Variants in PTPRD observed in about 807,000 individuals in gnomAD.
PTPRD encodes protein tyrosine phosphatase receptor type D, also known as receptor-type tyrosine-protein phosphatase delta.
PTPRD carries 34 observed loss-of-function variants against 214.5 expected under a neutral mutation model. That is an observed-to-expected ratio of 0.16 (90% CI 0.12 to 0.21). PTPRD has a LOEUF of 0.21. Ranked by LOEUF, PTPRD falls within the 10% of genes least tolerant of loss-of-function variation. The pLI is 1.00. For missense variants in PTPRD, 2,545 were observed against 2,398.7 expected (o/e 1.06, Z -1.27); for synonymous variants, 1,128 against 845.7 (o/e 1.33, Z -5.79).
chr9:8,491,325 G>C (rs538310212), intron 27 of PTPRD, among the ~76,000 whole-genome samples: 84 of 152,286 alleles, frequency 5.5e-4, no homozygotes, highest in African/African-American at 1.9e-3. Context: ...GGATGAGCTA[G>C]CCTTAGTGAC....
At chr9:10,596,786 A>T (rs189097995) in intron 2 of PTPRD, among the ~76,000 whole-genome samples, 299 of 151,704 alleles carry the variant, frequency 2.0e-3, no homozygotes, top group African/African-American at 7.0e-3. Flanking sequence ...GCTAAATTCT[A>T]AGGTACTAGC....
chr9:10,489,967 G>C (rs2099156480), intron 2 of PTPRD, among the ~76,000 whole-genome samples: 2 of 152,134 alleles, frequency 1.3e-5, no homozygotes, highest in Admixed American at 6.5e-5. Context: ...CGTACTTTGA[G>C]TGCTCACTTG....
chr9:9,771,408 G>A (rs1333296838), intron 5 of PTPRD, among the ~76,000 whole-genome samples: 1 of 152,030 alleles, frequency 6.6e-6, no homozygotes, highest in African/African-American at 2.4e-5. Context: ...GTCAAAATTC[G>A]ATGTATCCAT....
At chr9:9,525,001 G>A (rs1040475264) in intron 8 of PTPRD, among the ~76,000 whole-genome samples, 7 of 152,154 alleles carry the variant, frequency 4.6e-5, no homozygotes, top group African/African-American at 1.7e-4. Context: ...GGGACTACAG[G>A]CGCCCGCCAC....
At chr9:9,670,765 G>A (rs527855242) in intron 7 of PTPRD, among the ~76,000 whole-genome samples, 16 of 152,278 alleles carry the variant, frequency 1.1e-4, no homozygotes, top group South Asian at 4.1e-4. Context: ...TTGAGCCTGC[G>A]GGTGCACAGA....
At chr9:8,898,896 T>C (rs1055086851) in intron 11 of PTPRD, among the ~76,000 whole-genome samples, 2 of 152,156 alleles carry the variant, frequency 1.3e-5, no homozygotes, top group African/African-American at 4.8e-5. Flanking sequence ...AAAAAGACTA[T>C]TTTCATGTTT....
chr9:8,322,622 G>A (rs1269057840), intron 44 of PTPRD, among the ~76,000 whole-genome samples: 1 of 152,180 alleles, frequency 6.6e-6, no homozygotes, highest in East Asian at 1.9e-4. Flanking sequence ...GTTTAAGGAA[G>A]GAAGCCAACC....
chr9:8,823,114 G>C (rs538790359), intron 11 of PTPRD, among the ~76,000 whole-genome samples: 1 of 152,168 alleles, frequency 6.6e-6, no homozygotes, highest in Non-Finnish European at 1.5e-5. Context: ...TCTTCTTGAA[G>C]CCCTCTTCTC....
At chr9:9,290,963 C>T (rs375160392) in intron 9 of PTPRD, among the ~76,000 whole-genome samples, 1 of 151,350 alleles carries the variant, frequency 6.6e-6, no homozygotes. Context: ...TGAGCTCTAA[C>T]CAAGATCTTA....
intron 5 of PTPRD, among the ~76,000 whole-genome samples, chr9:9,836,568 T>A (rs1286927224): frequency 6.6e-6 from 1 of 152,098 alleles, no homozygotes; most frequent in African/African-American, 2.4e-5. Flanking sequence ...AAAATTGTAG[T>A]TTATTGGGTG....
At chr9:9,100,411 A>G (rs1205168571) in intron 10 of PTPRD, among the ~76,000 whole-genome samples, 5 of 152,132 alleles carry the variant, frequency 3.3e-5, no homozygotes, top group African/African-American at 1.2e-4. Flanking sequence ...GACACAGAGT[A>G]GGGTAAATAG....
At chr9:8,397,377 C>G (rs1470882267) in intron 36 of PTPRD, among the ~76,000 whole-genome samples, 2 of 152,132 alleles carry the variant, frequency 1.3e-5, no homozygotes, top group African/African-American at 4.8e-5. Context: ...GATGTTAGAA[C>G]TTCACATGGA....
intron 8 of PTPRD, among the ~76,000 whole-genome samples, chr9:9,550,595 T>A (rs969826924): frequency 6.6e-6 from 1 of 150,654 alleles, no homozygotes; most frequent in Middle Eastern, 3.2e-3. Flanking sequence ...ATTGGTTCTG[T>A]TGCTCTGGAA....
intron 37 of PTPRD, among the ~76,000 whole-genome samples, chr9:8,380,810 G>A (rs2084822345): frequency 6.6e-6 from 1 of 152,090 alleles, no homozygotes; most frequent in African/African-American, 2.4e-5. Flanking sequence ...CCTTGGGAGT[G>A]CTCAGCATAT....
At chr9:8,426,881 C>T (rs1292662906) in intron 35 of PTPRD, among the ~76,000 whole-genome samples, 1 of 150,528 alleles carries the variant, frequency 6.6e-6, no homozygotes, top group Admixed American at 6.6e-5. Flanking sequence ...TGAGAAATTA[C>T]TTGCACTTTG....
intron 12 of PTPRD, among the ~76,000 whole-genome samples, chr9:8,638,041 G>A (rs983336762): frequency 1.3e-5 from 2 of 149,136 alleles, no homozygotes; most frequent in African/African-American, 5.0e-5. Flanking sequence ...ACTTCCTTGA[G>A]TTTTTACAAT....
At chr9:9,485,341 A>T (rs1054117459) in intron 8 of PTPRD, among the ~76,000 whole-genome samples, 1 of 152,204 alleles carries the variant, frequency 6.6e-6, no homozygotes, top group African/African-American at 2.4e-5. Flanking sequence ...ATTTAGTAAC[A>T]TTTAGAAGAA....
chr9:9,030,467 A>G (rs1219248583), intron 10 of PTPRD, among the ~76,000 whole-genome samples: 1 of 151,720 alleles, frequency 6.6e-6, no homozygotes, highest in Non-Finnish European at 1.5e-5. Context: ...TTTTGTGTAC[A>G]TACCAAGTCT....
chr9:9,868,966 G>A (rs1221631403), intron 5 of PTPRD, among the ~76,000 whole-genome samples: 1 of 152,012 alleles, frequency 6.6e-6, no homozygotes, highest in South Asian at 2.1e-4. Context: ...AATATACAAG[G>A]ATTCAGGGAC....
Sources: gnomAD v4.1 joint callset for allele counts (sites outside exome capture counted in the v4.1 genomes callset) on GRCh38, gnomAD v4.1.1 for gene constraint, MANE v1.5 for transcripts, NCBI Gene and HGNC (gene_info 2026-07-23, HGNC 2026-07-21) for gene names.